TLN2: variants seen among roughly 807,000 people sequenced by gnomAD.
TLN2 encodes talin-2.
In TLN2, 118 loss-of-function variants were observed where a neutral mutation model predicts 294.7. That is an observed-to-expected ratio of 0.40 (90% CI 0.34 to 0.47). TLN2 has a LOEUF of 0.47. Ranked by LOEUF, TLN2 falls within the 20% of genes least tolerant of loss-of-function variation. The probability of loss-of-function intolerance (pLI) is 0.84; values close to 1 mark genes in which losing one functional copy is unlikely to be tolerated. For missense variants in TLN2, 3,083 were observed against 3,282.2 expected (o/e 0.94, Z 1.48); for synonymous variants, 1,431 against 1,304.5 (o/e 1.10, Z -2.09).
Position 62,805,583 on chromosome 15 carries a change from C to G in TLN2, c.6478-17C>G. On this transcript the variant is annotated splice_polypyrimidine_tract_variant and intron_variant, in intron 50 of 58. Coordinates refer to ENST00000636159, the MANE Select transcript of TLN2 (RefSeq NM_015059.3). ...TTCCTTTTTGATTTTTTTAACCTCT[C>G]TGTTTCTGACTTCCAGGTGTTCCAG... 1.3e-6 allele frequency: 2 copies of G among 1,580,280 alleles called. No homozygotes were observed. The highest frequency in any genetic ancestry group is 2.3e-5 in the South Asian group (2 of 87,718).
chr15:62,647,053 G>C (rs1040584429), intron 3 of TLN2, among the ~76,000 whole-genome samples: 1 of 152,188 alleles, frequency 6.6e-6, no homozygotes, highest in Non-Finnish European at 1.5e-5. Context: ...TTGTCACCCT[G>C]TAGTAATAAC....
chr15:62,657,887 T>C lies in TLN2; in HGVS notation c.777T>C (p.Pro259=). ...CTCATGTGGAACATAAACACAAACC[T>C]GGATTTTTAGAGTAAATGACATTTT... ...FGPHVEHKHK[P]GFLDLKEFLP... Residue 259 remains proline, a synonymous_variant, in exon 9 of 59, where the codon CCT becomes CCC. Transcript: ENST00000636159. 1.2e-6 allele frequency: 2 copies of C among 1,611,832 alleles called. No homozygotes were observed. Among genetic ancestry groups the C allele is most frequent in the Non-Finnish European group, 1.7e-6 (2 of 1,179,274 alleles).
At chr15:62,575,341 A>T (rs1049375163) in intron 1 of TLN2, among the ~76,000 whole-genome samples, 7 of 152,202 alleles carry the variant, frequency 4.6e-5, no homozygotes, top group African/African-American at 1.7e-4. Context: ...AAACAAAAAA[A>T]TTATTTTCAG....
At chr15:62,768,425 A>G (rs904913811) in intron 41 of TLN2, among the ~76,000 whole-genome samples, 4 of 152,274 alleles carry the variant, frequency 2.6e-5, no homozygotes, top group Admixed American at 1.3e-4. Flanking sequence ...TCTGTCTCTT[A>G]GATGGACACT....
intron 1 of TLN2, among the ~76,000 whole-genome samples, chr15:62,485,711 C>T (rs771991099): frequency 6.6e-6 from 1 of 152,218 alleles, no homozygotes; most frequent in African/African-American, 2.4e-5. Context: ...GGAGACCTCA[C>T]GCTTGAAACT....
chr15:62,488,134 C>G (rs547671180), intron 1 of TLN2, among the ~76,000 whole-genome samples: 2 of 152,100 alleles, frequency 1.3e-5, no homozygotes, highest in South Asian at 4.2e-4. Flanking sequence ...CACATGTAAT[C>G]CACTTTAGGA....
At chr15:62,774,242 G>A (rs1317847575) in intron 42 of TLN2, among the ~76,000 whole-genome samples, 1 of 152,148 alleles carries the variant, frequency 6.6e-6, no homozygotes, top group Non-Finnish European at 1.5e-5. Flanking sequence ...TTGAAGTGCT[G>A]TAATAAAGAA....
chr15:62,495,945 CAA>C (rs35350561), intron 1 of TLN2, among the ~76,000 whole-genome samples: 5 of 123,926 alleles, frequency 4.0e-5, no homozygotes, highest in African/African-American at 9.2e-5. Context: ...AGTTCTAGGC[CAA>C]AAAAAAAAAA....
rs114571216 is a variant in TLN2, at chr15:62,402,293, A to G, written c.-238+11608A>G. Among the ~76,000 whole-genome samples the G allele has an allele frequency of 7.8e-3, 1,181 of 152,320 alleles. 13 individuals carry two copies. Among genetic ancestry groups the G allele is most frequent in the African/African-American group, 0.027 (1,106 of 41,570 alleles). ...GAAAAATGTGGTTGTAGACCTAATC[A>G]TTACTGATAACCGCACCTCCAGCAA... is the stretch of plus-strand genomic sequence containing the variant. On this transcript the variant is annotated intron_variant, in intron 1 of 58. Coordinates refer to ENST00000636159, the MANE Select transcript of TLN2 (RefSeq NM_015059.3).
At chr15:62,561,925 A>G (rs1451254007) in intron 1 of TLN2, among the ~76,000 whole-genome samples, 1 of 151,866 alleles carries the variant, frequency 6.6e-6, no homozygotes, top group African/African-American at 2.4e-5. Flanking sequence ...TCCTTCCTGG[A>G]CTGTCCCTGA....
chr15:62,454,198 C>G (rs1232675344), intron 1 of TLN2, among the ~76,000 whole-genome samples: 1 of 152,186 alleles, frequency 6.6e-6, no homozygotes, highest in Non-Finnish European at 1.5e-5. Flanking sequence ...TGACTCAACT[C>G]TGATTGTACT....
At chr15:62,767,491 A>G (rs1182268494) in intron 41 of TLN2, among the ~76,000 whole-genome samples, 1 of 151,782 alleles carries the variant, frequency 6.6e-6, no homozygotes, top group Non-Finnish European at 1.5e-5. Flanking sequence ...ATAGGCATGC[A>G]CCACCATGCC....
chr15:62,414,391 T>C (rs1048274497), intron 1 of TLN2, among the ~76,000 whole-genome samples: 1 of 137,414 alleles, frequency 7.3e-6, no homozygotes, highest in African/African-American at 2.6e-5. Flanking sequence ...AGCTAGTTTG[T>C]CCTTCAAGTA....
In TLN2 at chr15:62,805,618, G is replaced by A. The variant is rs201426004; in HGVS notation, c.6496G>A (p.Val2166Ile). 3.1e-5 allele frequency: 50 copies of A among 1,606,086 alleles called. No homozygotes were observed. The highest frequency in any genetic ancestry group is 3.7e-5 in the Non-Finnish European group (44 of 1,174,692). The stretch of plus-strand genomic sequence containing the variant: ...CTTCCAGGTGTTCCAGTCAAAAGAC[G>A]TACCTGAAAAGACATCATCACCTGA... Reference protein sequence around the residue: ...QELTVFQSKDVPEKTSSPEES... With the variant: ...QELTVFQSKDIPEKTSSPEES... Residue 2166 changes from valine to isoleucine, a missense_variant, in exon 51 of 59, where the codon GTA becomes ATA. Physicochemically the swap from Val to Ile is conservative, Grantham distance 29. Transcript: ENST00000636159.
intron 4 of TLN2, among the ~76,000 whole-genome samples, chr15:62,648,848 C>T (rs987696798): frequency 4.0e-5 from 6 of 151,704 alleles, no homozygotes; most frequent in Admixed American, 2.6e-4. Flanking sequence ...CACGCCTGGA[C>T]GATTATTATT....
At chr15:62,840,398 C>T (rs961228536) in intron 58 of TLN2, 84 bp from the exon 59 acceptor site, 37 of 1,553,798 alleles carry the variant, frequency 2.4e-5, no homozygotes, top group Middle Eastern at 1.8e-4. Context: ...TCGCGGGAGC[C>T]GTGGAGCTCA....
At chr15:62,557,378 G>A (rs1312041078) in intron 1 of TLN2, among the ~76,000 whole-genome samples, 4 of 152,142 alleles carry the variant, frequency 2.6e-5, no homozygotes, top group Non-Finnish European at 5.9e-5. Flanking sequence ...GAGATGTCAC[G>A]TACCAAATAT....
In TLN2 at chr15:62,556,824, T is replaced by C. The variant is rs796732472; in HGVS notation, c.-237-32863T>C. ...TCTTCCTGATTTTAATGGGGCACTATGTATAACTCACCATTTGTTTTCTCA... is the reference window on the plus strand; with the variant it reads ...TCTTCCTGATTTTAATGGGGCACTACGTATAACTCACCATTTGTTTTCTCA... On this transcript the variant is annotated intron_variant, in intron 1 of 58. Coordinates refer to ENST00000636159, the MANE Select transcript of TLN2 (RefSeq NM_015059.3). Among the ~76,000 whole-genome samples, 10 of 152,350 alleles carry C rather than the reference T, an allele frequency of 6.6e-5. 1 individual carries two copies. The highest frequency in any genetic ancestry group is 2.4e-4 in the African/African-American group (10 of 41,580).
intron 29 of TLN2, 123 bp from the exon 30 acceptor site, chr15:62,738,091 G>T (rs1334858613): frequency 1.9e-6 from 2 of 1,050,022 alleles, no homozygotes; most frequent in Admixed American, 2.2e-5. Context: ...GGTAAGAGTG[G>T]CAGGTGGATG....
Sources: allele counts gnomAD v4.1 joint callset (sites outside exome capture counted in the v4.1 genomes callset), GRCh38; gene constraint gnomAD v4.1.1; transcripts MANE v1.5; gene names NCBI Gene and HGNC (gene_info 2026-07-23, HGNC 2026-07-21).